Variants in PPFIA2 observed in about 807,000 individuals in gnomAD.
PPFIA2 encodes the protein PPFI scaffold protein A2.
Under a neutral mutation model 175.5 loss-of-function variants are expected in PPFIA2, and 46 were observed. That is an observed-to-expected ratio of 0.26 (90% CI 0.21 to 0.34). The LOEUF is 0.34. Among genes scored for constraint, PPFIA2 ranks in the 10% least tolerant of loss-of-function variants. The probability of loss-of-function intolerance (pLI) is 1.00; values close to 1 mark genes in which losing one functional copy is unlikely to be tolerated. For synonymous variants in PPFIA2, 568 were observed against 511.4 expected (o/e 1.11, Z -1.49); for missense variants, 1,179 against 1,506.1 (o/e 0.78, Z 3.60).
chr12:81,734,524 A>G (rs2081327368), intron 3 of PPFIA2, among the ~76,000 whole-genome samples: 1 of 151,800 alleles, frequency 6.6e-6, no homozygotes. Context: ...ATGTAATTCT[A>G]TGAATTACCT....
At chr12:81,703,377 C>A (rs2076725075) in intron 3 of PPFIA2, among the ~76,000 whole-genome samples, 2 of 152,004 alleles carry the variant, frequency 1.3e-5, no homozygotes, top group Non-Finnish European at 2.9e-5. Context: ...AGAAAAACTG[C>A]TAGTCATCCT....
At chr12:81,753,920 C>A in intron 3 of PPFIA2, 53 bp downstream of exon 3, 1 of 1,592,072 alleles carries the variant, frequency 6.3e-7, no homozygotes, top group Admixed American at 1.7e-5. Flanking sequence ...TAAAGTGAAT[C>A]TTAACAAATG....
chr12:81,491,962 T>C (rs958932041), intron 4 of PPFIA2, among the ~76,000 whole-genome samples: 1 of 152,024 alleles, frequency 6.6e-6, no homozygotes, highest in African/African-American at 2.4e-5. Flanking sequence ...CTTCAATGTT[T>C]CTAAATCCTA....
At chr12:81,357,324 A>G (rs957541214) in intron 16 of PPFIA2, among the ~76,000 whole-genome samples, 1 of 152,232 alleles carries the variant, frequency 6.6e-6, no homozygotes, top group Non-Finnish European at 1.5e-5. Context: ...TACTGGTGCC[A>G]GTTCAAACCC....
In PPFIA2 at chr12:81,299,294, C is replaced by A. The variant is rs565268906; in HGVS notation, c.2724+7G>T. On this transcript the variant is annotated splice_region_variant and intron_variant, in intron 23 of 32. Transcript: ENST00000549396. ...GATTCAAGGGCCTCCTAGTTTCATTCTCTTACCTCTAGCCATGCGACCACA... is the reference window on the plus strand; with the variant it reads ...GATTCAAGGGCCTCCTAGTTTCATTATCTTACCTCTAGCCATGCGACCACA... 2 of 1,586,664 alleles carry A rather than the reference C, an allele frequency of 1.3e-6. No homozygotes were observed. The highest frequency in any genetic ancestry group is 2.3e-5 in the East Asian group (1 of 43,818).
At chr12:81,461,818 CCTAA>C (rs1198889703) in intron 4 of PPFIA2, among the ~76,000 whole-genome samples, 4 of 151,978 alleles carry the variant, frequency 2.6e-5, no homozygotes, top group Non-Finnish European at 4.4e-5. Flanking sequence ...CATCCCTCTG[CCTAA>C]CTAATTCATT....
At chr12:81,563,175 T>G (rs2070556561) in intron 4 of PPFIA2, among the ~76,000 whole-genome samples, 1 of 152,190 alleles carries the variant, frequency 6.6e-6, no homozygotes, top group Non-Finnish European at 1.5e-5. Context: ...TCAGTTTGTC[T>G]ATGTCATTGC....
intron 15 of PPFIA2, among the ~76,000 whole-genome samples, chr12:81,360,363 C>T (rs1160556931): frequency 2.0e-5 from 3 of 151,862 alleles, no homozygotes; most frequent in Admixed American, 2.0e-4. Flanking sequence ...TCTCCTGTGA[C>T]TCTTGCATGT....
At chr12:81,650,506 A>G (rs932665745) in intron 4 of PPFIA2, among the ~76,000 whole-genome samples, 3 of 152,184 alleles carry the variant, frequency 2.0e-5, no homozygotes, top group Admixed American at 6.5e-5. Flanking sequence ...GAGCAAATCT[A>G]CCATGTATAG....
intron 3 of PPFIA2, among the ~76,000 whole-genome samples, chr12:81,737,239 C>T (rs2081712202): frequency 1.3e-5 from 2 of 151,678 alleles, no homozygotes. Flanking sequence ...GCACATTTGG[C>T]AACTTCACAA....
intron 1 of PPFIA2, 51 bp downstream of exon 1, chr12:81,759,229 C>G (rs1260712631): frequency 1.3e-5 from 2 of 149,704 alleles, no homozygotes; most frequent in Non-Finnish European, 3.0e-5. Context: ...TTTCTCCTCC[C>G]GGCCTTTCTG....
intron 3 of PPFIA2, 149 bp from the exon 4 acceptor site, chr12:81,676,993 A>G: frequency 2.4e-6 from 1 of 423,096 alleles, no homozygotes; most frequent in Non-Finnish European, 4.2e-6. Context: ...CTGTAGTACT[A>G]TACAAATAGT....
intron 8 of PPFIA2, among the ~76,000 whole-genome samples, chr12:81,397,324 C>T (rs1245161259): frequency 1.3e-5 from 2 of 151,958 alleles, no homozygotes; most frequent in Admixed American, 1.3e-4. Context: ...ATCATCTGTT[C>T]TTCAGAGAGC....
chr12:81,628,423 C>T (rs1189022189), intron 4 of PPFIA2, among the ~76,000 whole-genome samples: 1 of 135,730 alleles, frequency 7.4e-6, no homozygotes, highest in Non-Finnish European at 1.5e-5. Flanking sequence ...GTCACCCAGG[C>T]TGGAGTGCAG....
intron 4 of PPFIA2, among the ~76,000 whole-genome samples, chr12:81,671,370 A>AT (rs1418296392): frequency 6.6e-6 from 1 of 151,850 alleles, no homozygotes; most frequent in South Asian, 2.1e-4. Flanking sequence ...TAACCATCTA[A>AT]TTTTTTTAAA....
chr12:81,611,444 G>A (rs915857221), intron 4 of PPFIA2, among the ~76,000 whole-genome samples: 5 of 152,162 alleles, frequency 3.3e-5, no homozygotes, highest in Non-Finnish European at 7.3e-5. Flanking sequence ...CAGGACATCC[G>A]TGGTTCATGG....
intron 3 of PPFIA2, among the ~76,000 whole-genome samples, chr12:81,720,080 C>A (rs2153628217): frequency 6.6e-6 from 1 of 151,462 alleles, no homozygotes; most frequent in East Asian, 2.0e-4. Context: ...GTCTGGCATT[C>A]CCTACCTTAA....
chr12:81,675,177 AGATT>A (rs952667511), intron 4 of PPFIA2, among the ~76,000 whole-genome samples: 3 of 150,460 alleles, frequency 2.0e-5, no homozygotes, highest in African/African-American at 4.9e-5. Context: ...ATACATATAT[AGATT>A]GATATACTAT....
At position 81,263,338 on chromosome 12, in the gene PPFIA2, G is replaced by C; in HGVS notation, c.3608C>G (p.Pro1203Arg). 6.2e-7 allele frequency: 1 copy of C among 1,613,018 alleles called. No homozygotes were observed. The highest frequency in any genetic ancestry group is 8.5e-7 in the Non-Finnish European group (1 of 1,179,056). Residue 1203 changes from proline (P) to arginine (R), a missense_variant, in exon 31 of 33, where the codon CCT becomes CGT. Physicochemically the swap from Pro to Arg is moderately radical, Grantham distance 103. Coordinates refer to ENST00000549396, the MANE Select transcript of PPFIA2 (RefSeq NM_003625.5). ...CATGCTGATTCCATGTACTTCACGA[G>C]GAGGAAACTGCCTTCTCCAGGTTGA... is the stretch of plus-strand genomic sequence containing the variant. Reference protein sequence around the residue: ...RGSTWRRQFPPREVHGISMMP... With the variant: ...RGSTWRRQFPRREVHGISMMP...
Sources: gnomAD v4.1 joint callset for allele counts (sites outside exome capture counted in the v4.1 genomes callset) on GRCh38, gnomAD v4.1.1 for gene constraint, MANE v1.5 for transcripts, NCBI Gene and HGNC (gene_info 2026-07-23, HGNC 2026-07-21) for gene names.